Variants in RSRC1 observed in about 807,000 individuals in gnomAD.
RSRC1 encodes serine/Arginine-related protein 53.
In RSRC1, 39 loss-of-function variants were observed where a neutral mutation model predicts 49.1. The observed-to-expected ratio is 0.79, with a 90% CI of 0.61 to 1.04. The LOEUF (loss-of-function observed/expected upper bound fraction) is 1.04. RSRC1 is among the 50% of genes least tolerant of loss of function. RSRC1 has a pLI of 0.00. For synonymous variants in RSRC1, 143 were observed against 130.8 expected (o/e 1.09, Z -0.63); for missense variants, 388 against 402.4 (o/e 0.96, Z 0.31).
At chr3:158,334,533 T>G (rs1391648000) in intron 5 of RSRC1, among the ~76,000 whole-genome samples, 1 of 150,914 alleles carries the variant, frequency 6.6e-6, no homozygotes, top group African/African-American at 2.4e-5. Flanking sequence ...CAGGCTGGAG[T>G]GCAGTGGTGC....
intron 7 of RSRC1, among the ~76,000 whole-genome samples, chr3:158,508,198 T>C (rs553317033): frequency 1.3e-5 from 2 of 152,350 alleles, no homozygotes; most frequent in South Asian, 2.1e-4. Context: ...AATTTGCTTC[T>C]AAGAACTGTA....
chr3:158,439,303 C>A (rs1269938883), intron 6 of RSRC1, among the ~76,000 whole-genome samples: 2 of 152,112 alleles, frequency 1.3e-5, no homozygotes, highest in African/African-American at 4.8e-5. Flanking sequence ...ACCCAGCAAT[C>A]CCATTACTAG....
rs562327026 is a variant in RSRC1 at position 158,425,888 on chromosome 3, C to T, written c.584-35047C>T. On this transcript the variant is annotated intron_variant, in intron 6 of 9. Coordinates refer to ENST00000611884, the MANE Select transcript of RSRC1 (RefSeq NM_001271838.2). ...AACTTCGAATGAGAAGAAAGAGGAG[C>T]GGTGGAGATTTATCCTACCAGATAA... 5.9e-5 allele frequency among the ~76,000 whole-genome samples: 9 copies of T among 151,708 alleles called. No homozygotes were observed. The South Asian group carries it at 1.5e-3, about 25-fold the overall frequency.
chr3:158,420,914 A>G (rs77446144), intron 6 of RSRC1, among the ~76,000 whole-genome samples: 4,198 of 152,040 alleles, frequency 0.028, 100 homozygotes, highest in Non-Finnish European at 0.044. Context: ...AGTAAACAGA[A>G]GATGGTTATT....
chr3:158,137,732 C>T (rs544078687), intron 3 of RSRC1, among the ~76,000 whole-genome samples: 23 of 150,584 alleles, frequency 1.5e-4, no homozygotes, highest in East Asian at 2.0e-4. Flanking sequence ...CAGCTCACTG[C>T]GACCTCCGCC....
intron 7 of RSRC1, among the ~76,000 whole-genome samples, chr3:158,499,144 G>A (rs769109026): frequency 6.6e-6 from 1 of 152,116 alleles, no homozygotes; most frequent in Non-Finnish European, 1.5e-5. Flanking sequence ...TTGGGAAGCC[G>A]AGGCGGACTG....
At chr3:158,214,055 C>CAA (rs34163814) in intron 4 of RSRC1, among the ~76,000 whole-genome samples, 1 of 150,860 alleles carries the variant, frequency 6.6e-6, no homozygotes, top group Admixed American at 6.6e-5. Context: ...AAAAATTATA[C>CAA]AAAAAGTACA....
chr3:158,269,235 C>T (rs539778788), intron 4 of RSRC1, among the ~76,000 whole-genome samples: 15 of 152,062 alleles, frequency 9.9e-5, no homozygotes, highest in Admixed American at 2.0e-4. Context: ...TATGGGCATT[C>T]GTTTCAGATA....
intron 6 of RSRC1, among the ~76,000 whole-genome samples, chr3:158,382,806 G>A (rs1732770363): frequency 1.3e-5 from 2 of 152,056 alleles, no homozygotes; most frequent in South Asian, 4.1e-4. Context: ...TTTTCATTTG[G>A]TCATTGTTTT....
intron 4 of RSRC1, among the ~76,000 whole-genome samples, chr3:158,228,828 T>TGTATATATGTATATAAACACACATAC (rs1559951831): frequency 1.4e-5 from 2 of 139,822 alleles, no homozygotes; most frequent in Non-Finnish European, 1.6e-5. Flanking sequence ...TAGACACACG[T>TGTATATATGTATATAAACACACATAC]GTGTATATAT....
intron 7 of RSRC1, among the ~76,000 whole-genome samples, chr3:158,478,235 T>G (rs1034075609): frequency 1.5e-4 from 22 of 150,694 alleles, no homozygotes; most frequent in East Asian, 3.9e-4. Flanking sequence ...GGTTTTGGGG[T>G]TTTTTTTTCT....
intron 6 of RSRC1, among the ~76,000 whole-genome samples, chr3:158,445,462 C>G (rs992078169): frequency 3.9e-5 from 6 of 151,972 alleles, no homozygotes; most frequent in Non-Finnish European, 7.4e-5. Flanking sequence ...AATGAGAACA[C>G]TTGTTCACAG....
At chr3:158,195,679 G>A (rs946159973) in intron 3 of RSRC1, among the ~76,000 whole-genome samples, 60 of 152,116 alleles carry the variant, frequency 3.9e-4, no homozygotes, top group African/African-American at 1.4e-3. Flanking sequence ...TTTGTATAAG[G>A]TGTAAGGAAG....
At chr3:158,125,617 A>G (rs1715569710) in intron 3 of RSRC1, among the ~76,000 whole-genome samples, 1 of 152,114 alleles carries the variant, frequency 6.6e-6, no homozygotes, top group African/African-American at 2.4e-5. Flanking sequence ...TAAATTTGTT[A>G]AGACTTGTTT....
intron 6 of RSRC1, among the ~76,000 whole-genome samples, chr3:158,439,870 CA>C (rs768865001): frequency 2.0e-5 from 3 of 151,782 alleles, no homozygotes; most frequent in Non-Finnish European, 2.9e-5. Flanking sequence ...TGCCAAAGTG[CA>C]TGTACGACAA....
intron 6 of RSRC1, among the ~76,000 whole-genome samples, chr3:158,438,398 A>G (rs1033438334): frequency 6.6e-6 from 1 of 152,162 alleles, no homozygotes. Flanking sequence ...TGGAGGTATC[A>G]TGCTACCTGA....
At chr3:158,370,130 G>A (rs1213986699) in intron 6 of RSRC1, among the ~76,000 whole-genome samples, 4 of 151,888 alleles carry the variant, frequency 2.6e-5, no homozygotes, top group Non-Finnish European at 2.9e-5. Context: ...ACTAGATGAT[G>A]TACATTATAT....
chr3:158,509,542 A>G (rs1740041167), intron 7 of RSRC1, among the ~76,000 whole-genome samples: 1 of 152,142 alleles, frequency 6.6e-6, no homozygotes, highest in Non-Finnish European at 1.5e-5. Flanking sequence ...TACAAATTTA[A>G]GTAAGCTGAG....
intron 3 of RSRC1, among the ~76,000 whole-genome samples, chr3:158,133,956 A>G (rs1239533702): frequency 6.6e-6 from 1 of 152,202 alleles, no homozygotes; most frequent in Non-Finnish European, 1.5e-5. Flanking sequence ...CGGCTGATAA[A>G]TCAAAAGTGG....
Sources: gnomAD v4.1 joint callset for allele counts (sites outside exome capture counted in the v4.1 genomes callset) on GRCh38, gnomAD v4.1.1 for gene constraint, MANE v1.5 for transcripts, NCBI Gene and HGNC (gene_info 2026-07-23, HGNC 2026-07-21) for gene names.